LHX9: variants seen among roughly 807,000 people sequenced by gnomAD.
LHX9 encodes LIM homeobox 9, also known as LIM/homeobox protein Lhx9.
In LHX9, 9 loss-of-function variants were observed where a neutral mutation model predicts 36.5. That is an observed-to-expected ratio of 0.25 (90% confidence interval 0.15 to 0.43). The LOEUF (loss-of-function observed/expected upper bound fraction) is 0.43, where lower values mean the gene tolerates loss of function less well. LHX9 is among the 20% of genes least tolerant of loss of function. The probability of loss-of-function intolerance (pLI) is 1.00; values close to 1 mark genes in which losing one functional copy is unlikely to be tolerated. For synonymous variants in LHX9, 211 were observed against 212.1 expected (o/e 0.99, Z 0.04); for missense variants, 464 against 526.4 (o/e 0.88, Z 1.16).
At chr1:197,928,860 C>G (rs1221132328) in intron 4 of LHX9, 142 bp from the exon 5 acceptor site, 1 of 923,018 alleles carries the variant, frequency 1.1e-6, no homozygotes, top group Non-Finnish European at 1.4e-6. Context: ...CTAAGAAAGA[C>G]AAACAATGAT....
At chr1:197,928,900 A>AAG in intron 4 of LHX9, 102 bp from the exon 5 acceptor site, 2 of 1,345,238 alleles carry the variant, frequency 1.5e-6, no homozygotes, top group Non-Finnish European at 2.0e-6. Context: ...TATCAAAAAA[A>AAG]AAAAAGAAAG....
upstream of LHX9, chr1:197,916,158 T>A (rs1277904706): frequency 6.5e-6 from 1 of 153,330 alleles, no homozygotes; most frequent in Non-Finnish European, 1.5e-5. Context: ...TTCGGACTCC[T>A]AGGGGGCCTC....
intron 3 of LHX9, among the ~76,000 whole-genome samples, chr1:197,925,273 T>C (rs1660108262): frequency 6.6e-6 from 1 of 152,228 alleles, no homozygotes; most frequent in Admixed American, 6.5e-5. Flanking sequence ...TAAATCTTAC[T>C]ACAATTATTT....
chr1:197,923,963 T>C (rs1557974883), intron 3 of LHX9, among the ~76,000 whole-genome samples: 1 of 152,132 alleles, frequency 6.6e-6, no homozygotes, highest in Non-Finnish European at 1.5e-5. Flanking sequence ...TTAGTTAACA[T>C]CTACTCCATC....
chr1:197,931,617 T>G lies in LHX9; in HGVS notation c.*2358T>G. ...AATAGTTTTTAGACTTCCAAACTTC[T>G]GATTCATATGAAATGTTACACATTG... On this transcript the variant is annotated 3_prime_UTR_variant, in exon 5 of 5. Coordinates refer to ENST00000367387, the MANE Select transcript of LHX9 (RefSeq NM_020204.3). 1 of 272,934 alleles carries G rather than the reference T, an allele frequency of 3.7e-6. No individual in the cohort carries two copies. The highest frequency in any genetic ancestry group is 1.3e-4 in the South Asian group (1 of 7,742). The allele number at this position is 272,934 out of a possible 1,614,324, so 16.9% of individuals were successfully genotyped here.
chr1:197,932,079 A>T lies in LHX9; in HGVS notation c.*2820A>T. The T allele has an allele frequency of 1.3e-6, 1 of 747,634 alleles. No individual in the cohort carries two copies. The highest frequency in any genetic ancestry group is 1.8e-5 in the African/African-American group (1 of 56,404). 46.3% of individuals were successfully genotyped at this position (747,634 alleles called of 1,614,324 possible). A position where few individuals can be genotyped will look rare whatever the true frequency, so the allele number is the denominator to read the frequency against. ...TACATTAAAAAATTTATTAAGCCAA[A>T]AAAAAAGAGAGAGAGAGAGACTTAA... On this transcript the variant is annotated 3_prime_UTR_variant, in exon 5 of 5. Coordinates refer to ENST00000367387, the MANE Select transcript of LHX9 (RefSeq NM_020204.3).
At chr1:197,913,461 T>G (rs995620437), upstream of LHX9, among the ~76,000 whole-genome samples, 9 of 152,146 alleles carry the variant, frequency 5.9e-5, no homozygotes, top group South Asian at 4.1e-4. Flanking sequence ...GAATCAGAAG[T>G]GCGCCCGTGC....
rs1201617354 is a variant in LHX9, at chr1:197,927,965, G to C, written c.936+172G>C. Among the ~76,000 whole-genome samples, 3 of 152,266 alleles carry C rather than the reference G, an allele frequency of 2.0e-5. No homozygotes were observed. In the East Asian group the frequency reaches 5.8e-4, roughly 29 times the overall value. ...AGATTTTGCAGGGGCTTCCTGGAGG[G>C]TTCCCAAACAGAGACCCAGGGTCTT... On this transcript the variant is annotated intron_variant, in intron 4 of 4. Coordinates refer to ENST00000367387, the MANE Select transcript of LHX9 (RefSeq NM_020204.3).
intron 1 of LHX9, chr1:197,918,634 C>A (rs1168927217): frequency 2.0e-6 from 1 of 505,818 alleles, no homozygotes; most frequent in Non-Finnish European, 3.5e-6. Context: ...ATAAAACATA[C>A]GGAGGAGCGC....
At position 197,931,897 on chromosome 1, in the gene LHX9, T is replaced by G; in HGVS notation, c.*2638T>G. 6.5e-7 allele frequency: 1 copy of G among 1,543,306 alleles called. No homozygotes were observed. Among genetic ancestry groups the G allele is most frequent in the Non-Finnish European group, 8.8e-7 (1 of 1,141,056 alleles). On this transcript the variant is annotated 3_prime_UTR_variant, in exon 5 of 5. Transcript: ENST00000367387. ...GCCAAGTTGCTCTGTAGTTAATAAATTGTCACTATGATTTTTTTCAGGGAG... is the reference window on the plus strand; with the variant it reads ...GCCAAGTTGCTCTGTAGTTAATAAAGTGTCACTATGATTTTTTTCAGGGAG...
At chr1:197,913,181 G>A (rs1659666390), upstream of LHX9, 1 of 153,098 alleles carries the variant, frequency 6.5e-6, no homozygotes, top group Non-Finnish European at 1.5e-5. Context: ...CCCCTTTGGG[G>A]AGAAGAGCCC....
Position 197,921,715 on chromosome 1 carries a change from T to A in LHX9, c.733+56T>A. ...CCCCGGCCTCCCTGAGGAAAATTCG[T>A]AGAGCTCCTTCCCCGTCCAAAGTCT... On this transcript the variant is annotated intron_variant, in intron 3 of 4. Transcript: ENST00000367387. This position sits in a 1 kb window ranked among gnomAD's most constrained non-coding sequence, Gnocchi z 4.6. The A allele has an allele frequency of 7.2e-7, 1 of 1,389,248 alleles. No individual in the cohort carries two copies. The highest frequency in any genetic ancestry group is 9.7e-7 in the Non-Finnish European group (1 of 1,035,408). The allele number at this position is 1,389,248 out of a possible 1,614,324, so 86.1% of individuals were successfully genotyped here.
At chr1:197,918,777 TC>T (rs2102592532) in intron 1 of LHX9, 1 of 118,014 alleles carries the variant, frequency 8.5e-6, no homozygotes, top group East Asian at 2.9e-4. Flanking sequence ...TCTAAGCGCT[TC>T]CCTTTCCAGA....
chr1:197,922,378 C>T (rs530016507), intron 3 of LHX9, among the ~76,000 whole-genome samples: 1 of 152,318 alleles, frequency 6.6e-6, no homozygotes, highest in South Asian at 2.1e-4. Context: ...TTCATCTATA[C>T]TCAACCACCT....
rs1660380100 is a variant in LHX9 at position 197,933,493 on chromosome 1, T to C, written c.*4234T>C. On this transcript the variant is annotated 3_prime_UTR_variant, in exon 5 of 5. Transcript: ENST00000367387. ...TCATCCACAGCTATAGCAACTTAAA[T>C]AGATTTTCCAATGCATTTCCAGCCA... 1 of 152,132 alleles carries C rather than the reference T, an allele frequency of 6.6e-6. No individual in the cohort carries two copies. Among genetic ancestry groups the C allele is most frequent in the African/African-American group, 2.4e-5 (1 of 41,440 alleles). The allele number at this position is 152,132 out of a possible 1,614,324, so 9.4% of individuals were successfully genotyped here.
intron 4 of LHX9, 142 bp from the exon 5 acceptor site, chr1:197,928,856 AAGAC>A: frequency 9.9e-7 from 1 of 1,006,110 alleles, no homozygotes; most frequent in Non-Finnish European, 1.4e-6. Flanking sequence ...CCTCCTAAGA[AAGAC>A]AAACAATGAT....
Position 197,930,178 on chromosome 1 carries a change from C to A in LHX9, c.*919C>A. 1 of 507,916 alleles carries A rather than the reference C, an allele frequency of 2.0e-6. No homozygotes were observed. Among genetic ancestry groups the A allele is most frequent in the Non-Finnish European group, 2.5e-6 (1 of 394,246 alleles). 31.5% of individuals were successfully genotyped at this position (507,916 alleles called of 1,614,324 possible). A position where few individuals can be genotyped will look rare whatever the true frequency, so the allele number is the denominator to read the frequency against. ...GCTCTATTAATTGGCTTCAGCTGTA[C>A]CATGATATTGTATCTGGCATTCTAT... is the stretch of plus-strand genomic sequence containing the variant. On this transcript the variant is annotated 3_prime_UTR_variant, in exon 5 of 5. Coordinates refer to ENST00000367387, the MANE Select transcript of LHX9 (RefSeq NM_020204.3).
chr1:197,932,951 T>C lies in LHX9; in HGVS notation c.*3692T>C, dbSNP rs1354409426. 1 of 152,062 alleles carries C rather than the reference T, an allele frequency of 6.6e-6. No individual in the cohort carries two copies. Among genetic ancestry groups the C allele is most frequent in the Non-Finnish European group, 1.5e-5 (1 of 67,942 alleles). The allele number at this position is 152,062 out of a possible 1,614,324, so 9.4% of individuals were successfully genotyped here. On this transcript the variant is annotated 3_prime_UTR_variant, in exon 5 of 5. Transcript: ENST00000367387. ...GTTTGCTATGCAATGAACAAATTTA[T>C]TGATGTATACAAATATATTCTGAAC...
rs140906498 is a variant in LHX9, at chr1:197,921,907, C to T, written c.733+248C>T. On this transcript the variant is annotated intron_variant, in intron 3 of 4. Coordinates refer to ENST00000367387, the MANE Select transcript of LHX9 (RefSeq NM_020204.3). The surrounding 1 kb of genome is among the most constrained non-coding windows in gnomAD (Gnocchi z 4.6). Reference sequence around the variant, plus strand: ...TAACTATGGGGCTGTAGTGACTTTCCCCAAACAGGCAGAGCCAAATCCTTG... The same window carrying T: ...TAACTATGGGGCTGTAGTGACTTTCTCCAAACAGGCAGAGCCAAATCCTTG... Among the ~76,000 whole-genome samples the T allele has an allele frequency of 6.5e-4, 99 of 152,272 alleles. No individual in the cohort carries two copies. Among genetic ancestry groups the T allele is most frequent in the African/African-American group, 2.0e-3 (82 of 41,546 alleles).
Sources: allele counts gnomAD v4.1 joint callset (sites outside exome capture counted in the v4.1 genomes callset), GRCh38; gene constraint gnomAD v4.1.1; non-coding constraint Gnocchi (gnomAD v3.1); transcripts MANE v1.5; gene names NCBI Gene and HGNC (gene_info 2026-07-23, HGNC 2026-07-21).